Variants in TMEM135 observed in about 807,000 individuals in gnomAD.
TMEM135 encodes the protein peroxisomal membrane protein 52.
TMEM135 carries 30 observed loss-of-function variants against 60.3 expected under a neutral mutation model. That is an observed-to-expected ratio of 0.50 (90% CI 0.37 to 0.68). The LOEUF is 0.68. Ranked by LOEUF, TMEM135 falls within the 30% of genes least tolerant of loss-of-function variation. The pLI is 0.00. For missense variants in TMEM135, 468 were observed against 548.8 expected (o/e 0.85, Z 1.47); for synonymous variants, 190 against 186.7 (o/e 1.02, Z -0.14).
rs371919827 is a variant in TMEM135 at position 87,129,544 on chromosome 11, A to ATTTTTTTTT, written c.397-27791_397-27783dup. On this transcript the variant is annotated intron_variant, in intron 4 of 14. Transcript: ENST00000305494. ...AGGCGTGATCCACCATGCTTGGCCAATTTTTTTTTTTTTTGAAATGGAATC... is the reference window on the plus strand; with the variant it reads ...AGGCGTGATCCACCATGCTTGGCCAATTTTTTTTTTTTTTTTTTTTTTTGAAATGGAATC... Among the ~76,000 whole-genome samples, 12 of 125,652 alleles carry ATTTTTTTTT rather than the reference A, an allele frequency of 9.6e-5. 1 individual carries two copies. The highest frequency in any genetic ancestry group is 2.5e-4 in the Admixed American group (3 of 12,186). The allele number at this position is 125,652 out of a possible 152,430, so 82.4% of individuals were successfully genotyped here.
At chr11:87,143,101 G>A (rs1189459690) in intron 4 of TMEM135, among the ~76,000 whole-genome samples, 2 of 151,770 alleles carry the variant, frequency 1.3e-5, no homozygotes, top group Non-Finnish European at 2.9e-5. Flanking sequence ...ATTCTGTTGA[G>A]CTCATCTAGC....
At chr11:87,240,669 T>C (rs1320355139) in intron 6 of TMEM135, among the ~76,000 whole-genome samples, 1 of 152,114 alleles carries the variant, frequency 6.6e-6, no homozygotes, top group African/African-American at 2.4e-5. Flanking sequence ...TTAAAAATAT[T>C]AATTCATTGA....
intron 1 of TMEM135, among the ~76,000 whole-genome samples, chr11:87,063,601 G>A (rs61906206): frequency 0.057 from 8,665 of 152,202 alleles, 303 homozygotes; most frequent in South Asian, 0.095. Context: ...ATAAAAATAC[G>A]TGGCACACTG....
chr11:87,188,187 G>T (rs1482565124), intron 5 of TMEM135, among the ~76,000 whole-genome samples: 2 of 147,032 alleles, frequency 1.4e-5, no homozygotes, highest in African/African-American at 5.2e-5. Context: ...AGTGTAGTTT[G>T]TACAGTCATA....
intron 1 of TMEM135, among the ~76,000 whole-genome samples, chr11:87,043,835 A>C (rs1018743529): frequency 6.6e-6 from 1 of 152,106 alleles, no homozygotes; most frequent in Non-Finnish European, 1.5e-5. Context: ...ACAGTTGCCC[A>C]CTTGGGAGTA....
chr11:87,215,744 G>C (rs1035615467), intron 5 of TMEM135, among the ~76,000 whole-genome samples: 17 of 152,196 alleles, frequency 1.1e-4, no homozygotes, highest in African/African-American at 3.1e-4. Flanking sequence ...TGCATACAGG[G>C]ATGGGAGAAA....
intron 11 of TMEM135, among the ~76,000 whole-genome samples, chr11:87,314,091 A>G (rs1299949118): frequency 6.6e-6 from 1 of 151,832 alleles, no homozygotes; most frequent in Non-Finnish European, 1.5e-5. Context: ...CCATCATTTG[A>G]GCTATTTAAT....
intron 8 of TMEM135, among the ~76,000 whole-genome samples, chr11:87,305,184 C>T (rs866292677): frequency 1.6e-4 from 25 of 152,216 alleles, no homozygotes; most frequent in African/African-American, 6.0e-4. Flanking sequence ...AGCATGTTCT[C>T]ATTATGACTT....
At chr11:87,103,490 T>G (rs1286745569) in intron 4 of TMEM135, among the ~76,000 whole-genome samples, 5 of 88,834 alleles carry the variant, frequency 5.6e-5, no homozygotes, top group African/African-American at 1.0e-4. Flanking sequence ...TGTTTTTTTT[T>G]TTTGTTTGTT....
intron 4 of TMEM135, among the ~76,000 whole-genome samples, chr11:87,136,308 T>A (rs1938097740): frequency 6.6e-6 from 1 of 152,046 alleles, no homozygotes; most frequent in East Asian, 1.9e-4. Context: ...TAGCTTAATA[T>A]AGTGAATTAC....
chr11:87,055,848 A>G (rs895641940), intron 1 of TMEM135, among the ~76,000 whole-genome samples: 1 of 152,106 alleles, frequency 6.6e-6, no homozygotes, highest in Non-Finnish European at 1.5e-5. Context: ...CCTCTGTTAC[A>G]GGAAAGGGAT....
chr11:87,134,190 A>G (rs1938021416), intron 4 of TMEM135, among the ~76,000 whole-genome samples: 3 of 152,086 alleles, frequency 2.0e-5, no homozygotes, highest in Non-Finnish European at 4.4e-5. Flanking sequence ...CTCTTTCCTT[A>G]GCTTGTAGAT....
intron 5 of TMEM135, among the ~76,000 whole-genome samples, chr11:87,192,237 A>C (rs1429132793): frequency 6.6e-6 from 1 of 150,734 alleles, no homozygotes; most frequent in Non-Finnish European, 1.5e-5. Flanking sequence ...GATCCGCCCA[A>C]CTTGGCCTCC....
chr11:87,074,471 G>C (rs1856832188), intron 3 of TMEM135, among the ~76,000 whole-genome samples: 1 of 152,080 alleles, frequency 6.6e-6, no homozygotes, highest in Non-Finnish European at 1.5e-5. Flanking sequence ...AAATATGTCA[G>C]TTACATTAAA....
At chr11:87,248,522 G>A (rs1316206008) in intron 6 of TMEM135, among the ~76,000 whole-genome samples, 1 of 152,114 alleles carries the variant, frequency 6.6e-6, no homozygotes, top group Non-Finnish European at 1.5e-5. Flanking sequence ...TAGTGTAATT[G>A]TAGTGTAATT....
chr11:87,203,032 CAAAAAAAAAAAAAAAA>C (rs534909524), intron 5 of TMEM135, among the ~76,000 whole-genome samples: 4 of 33,568 alleles, frequency 1.2e-4, no homozygotes, highest in Admixed American at 8.3e-4. Flanking sequence ...GACTCCGTCT[CAAAAAAAAAAAAAAAA>C]AAAAAAAAAA....
At chr11:87,223,238 C>A (rs1940685437) in intron 5 of TMEM135, among the ~76,000 whole-genome samples, 2 of 150,252 alleles carry the variant, frequency 1.3e-5, no homozygotes, top group Non-Finnish European at 3.0e-5. Context: ...GATCTCGGCT[C>A]ACTGCAAGCT....
At chr11:87,089,572 G>A (rs894777546) in intron 3 of TMEM135, among the ~76,000 whole-genome samples, 2 of 151,954 alleles carry the variant, frequency 1.3e-5, no homozygotes, top group Non-Finnish European at 1.5e-5. Context: ...AAAAAAAATT[G>A]TCAGGCTCTC....
intron 5 of TMEM135, among the ~76,000 whole-genome samples, chr11:87,217,349 T>G (rs1940524058): frequency 6.6e-6 from 1 of 152,136 alleles, no homozygotes; most frequent in Non-Finnish European, 1.5e-5. Flanking sequence ...GGTGTAGAAG[T>G]TATATATTTG....
Sources: allele counts gnomAD v4.1 joint callset (sites outside exome capture counted in the v4.1 genomes callset), GRCh38; gene constraint gnomAD v4.1.1; transcripts MANE v1.5; gene names NCBI Gene and HGNC (gene_info 2026-07-23, HGNC 2026-07-21).